Variants in TBCA observed in about 807,000 individuals in gnomAD.
TBCA encodes tubulin-specific chaperone A.
In TBCA, 6 loss-of-function variants were observed where a neutral mutation model predicts 15.8. The ratio of observed to expected loss-of-function variants is 0.38; its 90% confidence interval spans 0.21 to 0.75. The LOEUF (loss-of-function observed/expected upper bound fraction) is 0.75. TBCA is among the 30% of genes least tolerant of loss of function. The pLI is 0.46. For synonymous variants in TBCA, 32 were observed against 42.3 expected (o/e 0.76, Z 0.94); for missense variants, 90 against 131.2 (o/e 0.69, Z 1.53).
chr5:77,744,825 T>C (rs1747146239), intron 1 of TBCA, among the ~76,000 whole-genome samples: 1 of 152,118 alleles, frequency 6.6e-6, no homozygotes, highest in South Asian at 2.1e-4. Flanking sequence ...CGTGAGCCAC[T>C]GCACCCAGCC....
intron 1 of TBCA, among the ~76,000 whole-genome samples, chr5:77,755,340 A>G (rs1305902622): frequency 1.3e-5 from 2 of 152,194 alleles, no homozygotes; most frequent in Non-Finnish European, 2.9e-5. Flanking sequence ...GCACTTTGGG[A>G]GGCCAAGGTG....
chr5:77,696,056 C>A (rs1029783729), intron 2 of TBCA, among the ~76,000 whole-genome samples: 1 of 152,154 alleles, frequency 6.6e-6, no homozygotes, highest in Non-Finnish European at 1.5e-5. Context: ...GGCAGATCTT[C>A]ATTTTTGTCA....
At chr5:77,771,497 A>G (rs1481126290) in intron 1 of TBCA, among the ~76,000 whole-genome samples, 1 of 152,196 alleles carries the variant, frequency 6.6e-6, no homozygotes, top group African/African-American at 2.4e-5. Flanking sequence ...GTACAAGGTA[A>G]CAAAGTTTCT....
intron 1 of TBCA, among the ~76,000 whole-genome samples, chr5:77,708,794 C>G (rs899415067): frequency 6.6e-6 from 1 of 152,026 alleles, no homozygotes; most frequent in African/African-American, 2.4e-5. Context: ...TGGTCTCAAT[C>G]TCCCGACCTT....
At chr5:77,757,553 G>A (rs1291936911) in intron 1 of TBCA, among the ~76,000 whole-genome samples, 1 of 152,168 alleles carries the variant, frequency 6.6e-6, no homozygotes, top group Non-Finnish European at 1.5e-5. Context: ...CAAATTTTGG[G>A]ACATCAGGGA....
chr5:77,747,938 T>C (rs1400221729), intron 1 of TBCA, among the ~76,000 whole-genome samples: 1 of 152,214 alleles, frequency 6.6e-6, no homozygotes, highest in African/African-American at 2.4e-5. Flanking sequence ...ATATTCAACA[T>C]AGTCTCCAAA....
chr5:77,751,472 C>A (rs1747340564), intron 1 of TBCA, among the ~76,000 whole-genome samples: 1 of 152,102 alleles, frequency 6.6e-6, no homozygotes, highest in South Asian at 2.1e-4. Context: ...AGCCACCGCG[C>A]CGGCCAGCCT....
chr5:77,773,951 A>G (rs1162760705), intron 1 of TBCA, among the ~76,000 whole-genome samples: 1 of 152,232 alleles, frequency 6.6e-6, no homozygotes, highest in African/African-American at 2.4e-5. Flanking sequence ...AGGGTCTACC[A>G]GCACTCAGGA....
At chr5:77,719,644 A>C (rs989859242) in intron 1 of TBCA, among the ~76,000 whole-genome samples, 1 of 152,250 alleles carries the variant, frequency 6.6e-6, no homozygotes, top group Non-Finnish European at 1.5e-5. Context: ...GACATTTTAT[A>C]AACAGCTAAA....
chr5:77,736,897 C>G (rs915497941), intron 1 of TBCA, among the ~76,000 whole-genome samples: 1 of 152,174 alleles, frequency 6.6e-6, no homozygotes, highest in African/African-American at 2.4e-5. Flanking sequence ...CCAATTGCAT[C>G]ACAAATCATA....
intron 1 of TBCA, among the ~76,000 whole-genome samples, chr5:77,717,436 T>C (rs1011328195): frequency 7.5e-6 from 1 of 133,728 alleles, no homozygotes; most frequent in African/African-American, 2.8e-5. Flanking sequence ...AAATTACCTA[T>C]ACAATCCCCA....
chr5:77,706,097 C>T (rs1225358567), intron 2 of TBCA, among the ~76,000 whole-genome samples: 3 of 152,104 alleles, frequency 2.0e-5, no homozygotes, highest in Non-Finnish European at 4.4e-5. Flanking sequence ...CAACTCCCTA[C>T]AAAAAATTCT....
intron 1 of TBCA, among the ~76,000 whole-genome samples, chr5:77,763,401 T>C (rs534039366): frequency 1.6e-4 from 24 of 152,306 alleles, no homozygotes; most frequent in Admixed American, 1.4e-3. Context: ...AATTCCCACA[T>C]AATGCAGCTG....
At chr5:77,702,959 T>C (rs352556) in intron 2 of TBCA, among the ~76,000 whole-genome samples, 57,975 of 152,008 alleles carry the variant, frequency 0.38, 11,086 homozygotes, top group South Asian at 0.41. Context: ...GAGACACTCC[T>C]GGTCAAAGGG....
intron 1 of TBCA, among the ~76,000 whole-genome samples, chr5:77,757,442 T>C (rs1006131974): frequency 3.9e-5 from 6 of 152,146 alleles, no homozygotes; most frequent in Admixed American, 1.3e-4. Flanking sequence ...TCCACCATCA[T>C]GGAAGCAGGA....
chr5:77,769,412 C>T (rs561650449), intron 1 of TBCA, among the ~76,000 whole-genome samples: 1 of 152,302 alleles, frequency 6.6e-6, no homozygotes, highest in South Asian at 2.1e-4. Flanking sequence ...TGCACCATTG[C>T]TTTAAATATA....
At chr5:77,711,462 A>G (rs1423892252) in intron 1 of TBCA, among the ~76,000 whole-genome samples, 1 of 152,164 alleles carries the variant, frequency 6.6e-6, no homozygotes, top group Non-Finnish European at 1.5e-5. Context: ...TTCCTTGAAG[A>G]GAGGATAAGG....
chr5:77,696,256 T>G (rs7730667), intron 2 of TBCA, among the ~76,000 whole-genome samples: 14,694 of 152,244 alleles, frequency 0.097, 782 homozygotes, highest in Middle Eastern at 0.12. Context: ...CCAATGGCAT[T>G]AGTTTGCCAG....
At chr5:77,775,722 C>A (rs1748004204) in intron 1 of TBCA, among the ~76,000 whole-genome samples, 2 of 152,184 alleles carry the variant, frequency 1.3e-5, no homozygotes, top group African/African-American at 4.8e-5. Flanking sequence ...TTAGGTCACA[C>A]GGCTCCACTA....
Sources: allele counts gnomAD v4.1 joint callset (sites outside exome capture counted in the v4.1 genomes callset), GRCh38; gene constraint gnomAD v4.1.1; transcripts MANE v1.5; gene names NCBI Gene and HGNC (gene_info 2026-07-23, HGNC 2026-07-21).